ARHGAP33: variants seen among roughly 807,000 people sequenced by gnomAD.
ARHGAP33 encodes the protein rho GTPase-activating protein 33.
Under a neutral mutation model 126.2 loss-of-function variants are expected in ARHGAP33, and 57 were observed. The observed-to-expected ratio is 0.45, with a 90% CI of 0.36 to 0.56. ARHGAP33 has a LOEUF of 0.56. Ranked by LOEUF, ARHGAP33 falls within the 20% of genes least tolerant of loss-of-function variation. The pLI is 0.00. For missense variants in ARHGAP33, 1,500 were observed against 1,748.3 expected, an observed-to-expected ratio of 0.86 and a Z score of 2.53; for synonymous variants, 711 against 755.0, an observed-to-expected ratio of 0.94 and a Z score of 0.95.
chr19:35,782,922 C>T lies in ARHGAP33; in HGVS notation c.1421+53C>T. ...CTCAGGTCTTTCCCCAAAACCACCC[C>T]AGGAACCCGCCCAGCTTTTCTTTTG... is the stretch of plus-strand genomic sequence containing the variant. On this transcript the variant is annotated intron_variant, in intron 15 of 20. Transcript: ENST00000007510. This position sits in a 1 kb window ranked among gnomAD's most constrained non-coding sequence, Gnocchi z 4.1. The T allele has an allele frequency of 6.8e-7, 1 of 1,462,642 alleles. No individual in the cohort carries two copies. Among genetic ancestry groups the T allele is most frequent in the African/African-American group, 1.4e-5 (1 of 71,336 alleles). 90.6% of individuals were successfully genotyped at this position (1,462,642 alleles called of 1,614,324 possible).
At chr19:35,785,689 T>C in intron 19 of ARHGAP33, 1 of 1,420,276 alleles carries the variant, frequency 7.0e-7, no homozygotes, top group Non-Finnish European at 9.2e-7. Context: ...TACTCATTGG[T>C]CCATGACGGG....
rs183906310 is a variant in ARHGAP33 at position 35,786,010 on chromosome 19, C to T, written c.1943-403C>T. On this transcript the variant is annotated intron_variant, in intron 19 of 20. Transcript: ENST00000007510. This position sits in a 1 kb window ranked among gnomAD's most constrained non-coding sequence, Gnocchi z 7.0. ...TTTTCTCCATCGCTACCTCACAGCCCGCCGCGCTGCTGGGTGCTGCTCTCC... is the reference window on the plus strand; with the variant it reads ...TTTTCTCCATCGCTACCTCACAGCCTGCCGCGCTGCTGGGTGCTGCTCTCC... 3.2e-5 allele frequency: 36 copies of T among 1,113,070 alleles called. No individual in the cohort carries two copies. In the Admixed American group the frequency reaches 4.6e-4, roughly 14 times the overall value. The allele number at this position is 1,113,070 out of a possible 1,614,324, so 68.9% of individuals were successfully genotyped here.
intron 11 of ARHGAP33, 38 bp downstream of exon 11, chr19:35,781,110 G>C (rs1488828808): frequency 2.2e-6 from 2 of 898,440 alleles, no homozygotes; most frequent in Admixed American, 2.0e-5. Flanking sequence ...CGTCACACCA[G>C]GGCTGCGGCC....
chr19:35,787,592 C>T lies in ARHGAP33; in HGVS notation c.3027C>T (p.Gly1009=), dbSNP rs1283954895. Residue 1009 remains glycine, a synonymous_variant, in exon 21 of 21, where the codon GGC becomes GGT. Transcript: ENST00000007510. ...VSAQLRAGGG[G]RDAPEAAAQS... ...CCCAGCTCAGGGCAGGTGGCGGGGGCAGGGATGCGCCAGAGGCAGCAGCCC... is the reference window on the plus strand; with the variant it reads ...CCCAGCTCAGGGCAGGTGGCGGGGGTAGGGATGCGCCAGAGGCAGCAGCCC... 6.2e-7 allele frequency: 1 copy of T among 1,606,612 alleles called. No individual in the cohort carries two copies. The highest frequency in any genetic ancestry group is 1.1e-5 in the South Asian group (1 of 90,470).
Position 35,785,083 on chromosome 19 carries a change from G to C in ARHGAP33, c.1698G>C (p.Lys566Asn). ...CGCCCACGGAGCCCACAACTCCCAA[G>C]GCCCCGGCCTCACCTGCGGAAAGGT... ...LGTPTEPTTP[K>N]APASPAERRK... is the part of the protein sequence containing the mutation. Residue 566 changes from lysine to asparagine, a missense_variant, in exon 17 of 21, where the codon AAG becomes AAC. Physicochemically the swap from Lys to Asn is moderately conservative, Grantham distance 94. Around this residue, in one of 6 missense-constraint regions of ARHGAP33, gnomAD observed 300 missense variants for 291.1 expected, o/e 1.03. Transcript: ENST00000007510. 6.3e-7 allele frequency: 1 copy of C among 1,575,108 alleles called. No homozygotes were observed. Among genetic ancestry groups the C allele is most frequent in the Non-Finnish European group, 8.6e-7 (1 of 1,159,968 alleles).
At position 35,780,515 on chromosome 19, in the gene ARHGAP33, G is replaced by A. The variant is rs1417467150; in HGVS notation, c.702+17G>A. On this transcript the variant is annotated intron_variant, in intron 8 of 20. Transcript: ENST00000007510. ...GGCTTCCAGGTGAGTCCAGCTGGGC[G>A]CGGACAGGTGGGGCTGGGGTACCTG... 16 of 1,610,460 alleles carry A rather than the reference G, an allele frequency of 9.9e-6. No homozygotes were observed. The highest frequency in any genetic ancestry group is 1.3e-5 in the African/African-American group (1 of 74,882).
chr19:35,780,593 C>T lies in ARHGAP33; in HGVS notation c.714C>T (p.Phe238=). The T allele has an allele frequency of 6.2e-7, 1 of 1,613,540 alleles. No individual in the cohort carries two copies. Among genetic ancestry groups the T allele is most frequent in the Non-Finnish European group, 8.5e-7 (1 of 1,179,930 alleles). The part of the protein sequence containing the change: ...RGKRGFQVGF[F]PSECVELFTE... ...CTGACCTTCCTCAGGTCGGGTTCTT[C>T]CCCAGTGAGTGTGTGGAACTCTTCA... Residue 238 remains phenylalanine, a synonymous_variant, in exon 9 of 21, where the codon TTC becomes TTT. Transcript: ENST00000007510.
In ARHGAP33 at chr19:35,784,267, T is replaced by A; in HGVS notation, c.1517T>A (p.Val506Glu). The A allele has an allele frequency of 6.2e-7, 1 of 1,610,950 alleles. No individual in the cohort carries two copies. Among genetic ancestry groups the A allele is most frequent in the East Asian group, 2.2e-5 (1 of 44,458 alleles). Reference sequence around the variant, plus strand: ...GTGGTGGAGTTTCTGCTCACCCATGTGGACGTCCTGTTCAGCGACACCTTC... The same window carrying A: ...GTGGTGGAGTTTCTGCTCACCCATGAGGACGTCCTGTTCAGCGACACCTTC... The part of the protein sequence containing the change: ...SVVVEFLLTH[V>E]DVLFSDTFTS... Residue 506 changes from valine to glutamate, a missense_variant, in exon 16 of 21, where the codon GTG (valine) becomes GAG (glutamate). Val to Glu is a moderately radical substitution (Grantham distance 121). Coordinates refer to ENST00000007510, the MANE Select transcript of ARHGAP33 (RefSeq NM_001366178.1).
intron 1 of ARHGAP33, 98 bp downstream of exon 1, chr19:35,775,762 C>G (rs1001413605): frequency 1.8e-5 from 23 of 1,281,980 alleles, no homozygotes; most frequent in Middle Eastern, 2.7e-4. Context: ...CCGCCCGATC[C>G]CGCGGCCTGT....
chr19:35,776,647 G>T (rs1257466033), intron 1 of ARHGAP33, among the ~76,000 whole-genome samples: 2 of 152,236 alleles, frequency 1.3e-5, no homozygotes, highest in South Asian at 2.1e-4. Context: ...AAAGAATCAG[G>T]AACAATCATG....
chr19:35,782,972 C>A lies in ARHGAP33; in HGVS notation c.1421+103C>A. On this transcript the variant is annotated intron_variant, in intron 15 of 20. Transcript: ENST00000007510. The surrounding 1 kb of genome is among the most constrained non-coding windows in gnomAD (Gnocchi z 4.1). ...GTTTATTCATCGAATACGTGTCTAT[C>A]AAATACCTCCCATGGACCTGGCCCC... The A allele has an allele frequency of 1.0e-6, 1 of 1,002,610 alleles. No homozygotes were observed. Among genetic ancestry groups the A allele is most frequent in the Non-Finnish European group, 1.5e-6 (1 of 674,240 alleles). The allele number at this position is 1,002,610 out of a possible 1,614,324, so 62.1% of individuals were successfully genotyped here.
rs369796658 is a variant in ARHGAP33 at position 35,782,535 on chromosome 19, C to T, written c.1230+18C>T. 6.3e-5 allele frequency: 102 copies of T among 1,612,906 alleles called. No homozygotes were observed. The highest frequency in any genetic ancestry group is 7.9e-5 in the Non-Finnish European group (93 of 1,179,328). ...AGTTCAGTGTGAGTAAGGGAGCTGG[C>T]GGGACGGAGGGGGCCGGGACGCCTC... On this transcript the variant is annotated intron_variant, in intron 13 of 20. Coordinates refer to ENST00000007510, the MANE Select transcript of ARHGAP33 (RefSeq NM_001366178.1). The surrounding 1 kb of genome is among the most constrained non-coding windows in gnomAD (Gnocchi z 4.1).
Position 35,775,672 on chromosome 19 carries a change from T to G in ARHGAP33, c.6+8T>G, listed in dbSNP as rs757446548. 23 of 1,546,848 alleles carry G rather than the reference T, an allele frequency of 1.5e-5. No homozygotes were observed. The highest frequency in any genetic ancestry group is 2.0e-5 in the Non-Finnish European group (23 of 1,152,008). ...GGCTACGCGACCATGGTGGTAAGGG[T>G]CCCACGCGGCCGTCAGCCTGTCCGT... On this transcript the variant is annotated splice_region_variant and intron_variant, in intron 1 of 20. Coordinates refer to ENST00000007510, the MANE Select transcript of ARHGAP33 (RefSeq NM_001366178.1).
At chr19:35,778,191 G>A in intron 3 of ARHGAP33, 89 bp from the exon 4 acceptor site, 1 of 1,378,436 alleles carries the variant, frequency 7.3e-7, no homozygotes, top group East Asian at 2.3e-5. Flanking sequence ...GGTCCAGAAG[G>A]GAGTCACAAA....
rs2038464958 is a variant in ARHGAP33 at position 35,782,616 on chromosome 19, G to A, written c.1250G>A (p.Gly417Glu). Residue 417 changes from glycine (G) to glutamate (E), a missense_variant, in exon 14 of 21, where the codon GGG becomes GAG. By Grantham distance (98) the Gly-to-Glu change is moderately conservative. Transcript: ENST00000007510. The surrounding 1 kb of genome is among the most constrained non-coding windows in gnomAD (Gnocchi z 4.1). The stretch of plus-strand genomic sequence containing the variant: ...TCTCAGGAGGCCATGTCAGTGCCTG[G>A]GGAGGAGGAGCGTCTGGTGCGGGTG... ...GKFSEAMSVP[G>E]EEERLVRVHD... 6.2e-7 allele frequency: 1 copy of A among 1,613,668 alleles called. No homozygotes were observed. The highest frequency in any genetic ancestry group is 1.3e-5 in the African/African-American group (1 of 74,924).
rs1972213771 is a variant in ARHGAP33 at position 35,787,971 on chromosome 19, C to T, written c.3406C>T (p.Leu1136Phe). Residue 1136 changes from leucine to phenylalanine, a missense_variant, in exon 21 of 21, where the codon CTC becomes TTC. Physicochemically the swap from Leu to Phe is conservative, Grantham distance 22 (BLOSUM62 0). This residue lies in a region of ARHGAP33 where 642 missense variants were observed against 634.0 expected (regional missense o/e 1.01). Transcript: ENST00000007510. Reference sequence around the variant, plus strand: ...ACTCCACAGGTCCCCCGACTTCCTGCTCAGCTACCCGCCAGCCCCCTCCTG... The same window carrying T: ...ACTCCACAGGTCCCCCGACTTCCTGTTCAGCTACCCGCCAGCCCCCTCCTG... ...PPLHRSPDFL[L>F]SYPPAPSCFP... The T allele has an allele frequency of 7.3e-6, 9 of 1,232,690 alleles. No individual in the cohort carries two copies. Among genetic ancestry groups the T allele is most frequent in the Non-Finnish European group, 1.0e-5 (9 of 902,062 alleles). 76.4% of individuals were successfully genotyped at this position (1,232,690 alleles called of 1,614,324 possible). A position where few individuals can be genotyped will look rare whatever the true frequency, so the allele number is the denominator to read the frequency against.
At chr19:35,785,723 C>T in intron 19 of ARHGAP33, 1 of 1,372,430 alleles carries the variant, frequency 7.3e-7, no homozygotes, top group Non-Finnish European at 9.4e-7. Context: ...TTTATTATTC[C>T]TGTTGAACAT....
In ARHGAP33 at chr19:35,782,316, C is replaced by T; in HGVS notation, c.1086-57C>T. Reference sequence around the variant, plus strand: ...GGGGTAGGGGCAAGGGGAGCATGGCCACGTGAGCGAGCCCCTCTGACCTGG... The same window carrying T: ...GGGGTAGGGGCAAGGGGAGCATGGCTACGTGAGCGAGCCCCTCTGACCTGG... On this transcript the variant is annotated intron_variant, in intron 12 of 20. Transcript: ENST00000007510. This position sits in a 1 kb window ranked among gnomAD's most constrained non-coding sequence, Gnocchi z 4.1. 7.0e-6 allele frequency: 11 copies of T among 1,563,208 alleles called. No homozygotes were observed. In the South Asian group the frequency reaches 1.1e-4, roughly 15 times the overall value.
In ARHGAP33 at chr19:35,786,712, A is replaced by G. The variant is rs568719142; in HGVS notation, c.2242A>G (p.Ser748Gly). The G allele has an allele frequency of 9.4e-4, 1,445 of 1,534,392 alleles. 3 individuals are homozygous for G. The highest frequency in any genetic ancestry group is 1.4e-3 in the Admixed American group (71 of 50,934). ...LDFDPLTFRC[S>G]SPTPGDPAPP... ...CTTTGATCCCTTAACCTTCCGCTGC[A>G]GCAGCCCCACCCCAGGGGATCCCGC... is the stretch of plus-strand genomic sequence containing the variant. Residue 748 changes from serine (S) to glycine (G), a missense_variant, in exon 20 of 21, where the codon AGC becomes GGC. By Grantham distance (56) the Ser-to-Gly change is moderately conservative. This residue lies in a region of ARHGAP33 where 73 missense variants were observed against 110.8 expected (regional missense o/e 0.66). Transcript: ENST00000007510. This position sits in a 1 kb window ranked among gnomAD's most constrained non-coding sequence, Gnocchi z 7.0.
Sources: gnomAD v4.1 joint callset for allele counts (sites outside exome capture counted in the v4.1 genomes callset) on GRCh38, gnomAD v4.1.1 for gene constraint, gnomAD v4.1.1 regional missense constraint, Gnocchi (gnomAD v3.1) non-coding constraint, MANE v1.5 for transcripts, NCBI Gene and HGNC (gene_info 2026-07-23, HGNC 2026-07-21) for gene names.